Variants in PLXDC2 observed in about 807,000 individuals in gnomAD.
The protein encoded by PLXDC2 is plexin domain-containing protein 2.
A neutral mutation model predicts 68.9 loss-of-function variants in PLXDC2; 40 were observed. That is an observed-to-expected ratio of 0.58 (90% confidence interval 0.45 to 0.76). The LOEUF (loss-of-function observed/expected upper bound fraction) is 0.76, where lower values mean the gene tolerates loss of function less well. Ranked by LOEUF, PLXDC2 falls within the 30% of genes least tolerant of loss-of-function variation. The pLI is 0.00. For missense variants in PLXDC2, 644 were observed against 661.9 expected (o/e 0.97, Z 0.30); for synonymous variants, 243 against 234.2 (o/e 1.04, Z -0.34).
intron 6 of PLXDC2, among the ~76,000 whole-genome samples, chr10:20,162,518 G>T (rs1387986930): frequency 6.6e-6 from 1 of 152,076 alleles, no homozygotes; most frequent in Non-Finnish European, 1.5e-5. Context: ...ATAGATGCTT[G>T]CTTCTATTAA....
intron 13 of PLXDC2, among the ~76,000 whole-genome samples, chr10:20,258,852 GA>G (rs1272284307): frequency 1.3e-5 from 2 of 151,826 alleles, no homozygotes; most frequent in East Asian, 3.9e-4. Context: ...CCAAAAAATA[GA>G]AAAAATTAGC....
chr10:20,220,999 C>A (rs528964675), intron 12 of PLXDC2, among the ~76,000 whole-genome samples: 2 of 151,836 alleles, frequency 1.3e-5, no homozygotes, highest in Non-Finnish European at 2.9e-5. Flanking sequence ...CCCACCACTA[C>A]GCCTGGCTAA....
intron 12 of PLXDC2, among the ~76,000 whole-genome samples, chr10:20,235,488 A>G (rs1215578172): frequency 6.6e-6 from 1 of 152,230 alleles, no homozygotes; most frequent in Non-Finnish European, 1.5e-5. Flanking sequence ...TTTAAGCACA[A>G]TGCCAACCAC....
chr10:20,006,307 T>C (rs1835028357), intron 2 of PLXDC2, among the ~76,000 whole-genome samples: 1 of 152,250 alleles, frequency 6.6e-6, no homozygotes. Flanking sequence ...ACTCTGTGCC[T>C]GGCATTGTTA....
At position 20,176,999 on chromosome 10, in the gene PLXDC2, A is replaced by G. The variant is rs1417691468; in HGVS notation, c.884A>G (p.Asn295Ser). 6.3e-7 allele frequency: 1 copy of G among 1,583,798 alleles called. No homozygotes were observed. Among genetic ancestry groups the G allele is most frequent in the Non-Finnish European group, 8.6e-7 (1 of 1,166,198 alleles). ...TGATTTTTTTTCCTTTTTTTTCTAG[A>G]TGTTCGAAGAAGAACAATTTATGAA... ...VVVHRIQQIPNVRRRTIYEYH... is the reference protein window; with the variant it reads ...VVVHRIQQIPSVRRRTIYEYH... The change falls in exon 8 of 14, where the codon AAT (asparagine) becomes AGT (serine). Residue 295 changes from asparagine to serine, a missense_variant and splice_region_variant. Transcript: ENST00000377252.
At chr10:20,264,441 C>G (rs1223079652) in intron 13 of PLXDC2, among the ~76,000 whole-genome samples, 1 of 152,066 alleles carries the variant, frequency 6.6e-6, no homozygotes, top group African/African-American at 2.4e-5. Context: ...AACAAACTTT[C>G]ACATGTACCC....
chr10:20,207,108 A>AT (rs1835003896), intron 9 of PLXDC2, among the ~76,000 whole-genome samples: 1 of 152,152 alleles, frequency 6.6e-6, no homozygotes, highest in Non-Finnish European at 1.5e-5. Context: ...AAGGCACTAT[A>AT]TGCCACAAAA....
chr10:20,233,637 C>T (rs1835393705), intron 12 of PLXDC2, among the ~76,000 whole-genome samples: 1 of 152,104 alleles, frequency 6.6e-6, no homozygotes, highest in Admixed American at 6.6e-5. Context: ...GTCTATAGCA[C>T]CAAGGGCTCT....
intron 1 of PLXDC2, among the ~76,000 whole-genome samples, chr10:19,875,961 G>C (rs1837621737): frequency 6.6e-6 from 1 of 151,992 alleles, no homozygotes; most frequent in Non-Finnish European, 1.5e-5. Context: ...TGAAATTTTT[G>C]TAACATTTTT....
intron 1 of PLXDC2, among the ~76,000 whole-genome samples, chr10:19,944,358 A>C (rs994809022): frequency 6.6e-6 from 1 of 151,734 alleles, no homozygotes; most frequent in Non-Finnish European, 1.5e-5. Context: ...CAGATATTAT[A>C]TATTTGGAAT....
intron 1 of PLXDC2, among the ~76,000 whole-genome samples, chr10:19,927,659 CCA>C (rs1239027061): frequency 6.8e-6 from 1 of 147,086 alleles, no homozygotes; most frequent in African/African-American, 2.5e-5. Context: ...CCGAGATTGC[CCA>C]CTGCACGCCA....
intron 1 of PLXDC2, among the ~76,000 whole-genome samples, chr10:19,948,754 A>G (rs1369275455): frequency 6.6e-6 from 1 of 152,134 alleles, no homozygotes; most frequent in Non-Finnish European, 1.5e-5. Context: ...ACTTGACTTT[A>G]AAAATTGTAG....
At chr10:19,965,718 TGGG>T (rs35811823) in intron 1 of PLXDC2, among the ~76,000 whole-genome samples, 3 of 135,388 alleles carry the variant, frequency 2.2e-5, no homozygotes, top group Non-Finnish European at 4.8e-5. Flanking sequence ...CAGTTTTTTT[TGGG>T]GGGGGGGGTT....
At chr10:19,963,253 CT>C in intron 1 of PLXDC2, among the ~76,000 whole-genome samples, 1 of 152,134 alleles carries the variant, frequency 6.6e-6, no homozygotes, top group East Asian at 1.9e-4. Context: ...CTTTCCATTA[CT>C]TTTATTTTCA....
chr10:20,182,113 T>C (rs1834614141), intron 9 of PLXDC2, among the ~76,000 whole-genome samples: 1 of 131,006 alleles, frequency 7.6e-6, no homozygotes, highest in Non-Finnish European at 1.6e-5. Flanking sequence ...ATGAAGTTTA[T>C]TGAAGTATAA....
chr10:20,237,673 A>G lies in PLXDC2; in HGVS notation c.1313-7672A>G, dbSNP rs574473966. 2.0e-5 allele frequency among the ~76,000 whole-genome samples: 3 copies of G among 152,342 alleles called. No individual in the cohort carries two copies. The South Asian group carries it at 6.2e-4, about 32-fold the overall frequency. On this transcript the variant is annotated intron_variant, in intron 12 of 13. Coordinates refer to ENST00000377252, the MANE Select transcript of PLXDC2 (RefSeq NM_032812.9). The stretch of plus-strand genomic sequence containing the variant: ...TGTGCATTTTTAATCCCAAAGTGGA[A>G]CACTAACATTTTCAGCATTTATAGT...
chr10:20,173,314 A>C (rs2131822864), intron 7 of PLXDC2, among the ~76,000 whole-genome samples: 1 of 152,346 alleles, frequency 6.6e-6, no homozygotes, highest in Non-Finnish European at 1.5e-5. Flanking sequence ...GACAAAATAT[A>C]ATACTTACAC....
At chr10:19,895,915 G>T (rs1341419248) in intron 1 of PLXDC2, among the ~76,000 whole-genome samples, 1 of 152,040 alleles carries the variant, frequency 6.6e-6, no homozygotes, top group African/African-American at 2.4e-5. Context: ...GCAAGACTCT[G>T]TCTCTAAAAA....
chr10:19,928,554 T>C (rs879299079), intron 1 of PLXDC2, among the ~76,000 whole-genome samples: 1 of 152,108 alleles, frequency 6.6e-6, no homozygotes, highest in African/African-American at 2.4e-5. Context: ...ATCCTTTTAA[T>C]AATATGGGGG....
Sources: allele counts gnomAD v4.1 joint callset (sites outside exome capture counted in the v4.1 genomes callset), GRCh38; gene constraint gnomAD v4.1.1; transcripts MANE v1.5; gene names NCBI Gene and HGNC (gene_info 2026-07-23, HGNC 2026-07-21).